The following PRKN variants were observed in gnomAD, a reference collection of about 807,000 sequenced individuals.
The protein encoded by PRKN is parkin RBR E3 ubiquitin protein ligase.
A neutral mutation model predicts 59.5 loss-of-function variants in PRKN; 56 were observed. That is an observed-to-expected ratio of 0.94 (90% CI 0.76 to 1.18). PRKN has a LOEUF of 1.18. Among genes scored for constraint, PRKN ranks in the 50% most tolerant of loss-of-function variants. The pLI, the probability that PRKN is intolerant of heterozygous loss-of-function variation, is 0.00. For synonymous variants in PRKN, 250 were observed against 222.1 expected (o/e 1.13, Z -1.12); for missense variants, 657 against 596.4 (o/e 1.10, Z -1.06).
At chr6:161,431,853 T>A (rs1487955150) in intron 9 of PRKN, among the ~76,000 whole-genome samples, 1 of 152,170 alleles carries the variant, frequency 6.6e-6, no homozygotes, top group African/African-American at 2.4e-5. Flanking sequence ...CCTCAGGCAA[T>A]CCACACCCGC....
rs60062756 is a variant in PRKN at position 162,536,160 on chromosome 6, C to G, written c.8-92687G>C. Among the ~76,000 whole-genome samples the G allele has an allele frequency of 5.3e-3, 803 of 152,214 alleles. 21 individuals carry two copies. In the East Asian group the frequency reaches 0.066, roughly 13 times the overall value. ...TTCTCCTGCACTAAAATGGTTTCAG[C>G]CTATTTCCAGTCATGCTGCTTTACT... On this transcript the variant is annotated intron_variant, in intron 1 of 11. Coordinates refer to ENST00000366898, the MANE Select transcript of PRKN (RefSeq NM_004562.3).
At chr6:161,841,912 A>G (rs1254398999) in intron 6 of PRKN, among the ~76,000 whole-genome samples, 2 of 151,664 alleles carry the variant, frequency 1.3e-5, no homozygotes, top group Non-Finnish European at 2.9e-5. Context: ...CAAATCCCCA[A>G]TTTTTCCTTA....
At chr6:162,219,374 T>C (rs914773180) in intron 3 of PRKN, among the ~76,000 whole-genome samples, 2 of 152,192 alleles carry the variant, frequency 1.3e-5, no homozygotes, top group Admixed American at 1.3e-4. Context: ...CCACCTGCAC[T>C]GTAGCTCTTC....
chr6:162,366,158 A>G (rs1785426359), intron 2 of PRKN, among the ~76,000 whole-genome samples: 1 of 152,248 alleles, frequency 6.6e-6, no homozygotes, highest in Admixed American at 6.5e-5. Flanking sequence ...TTGACAGGTT[A>G]TAATAATTTT....
At chr6:162,584,020 T>C (rs1232677338) in intron 1 of PRKN, among the ~76,000 whole-genome samples, 2 of 151,972 alleles carry the variant, frequency 1.3e-5, no homozygotes, top group Non-Finnish European at 2.9e-5. Context: ...AAGACCATCC[T>C]GGCTAACACG....
At chr6:162,474,971 C>T (rs187132251) in intron 1 of PRKN, among the ~76,000 whole-genome samples, 2 of 152,084 alleles carry the variant, frequency 1.3e-5, no homozygotes, top group East Asian at 1.9e-4. Flanking sequence ...AAAATGAAAT[C>T]GATTTTTTAA....
chr6:162,432,355 A>C (rs1789576869), intron 2 of PRKN, among the ~76,000 whole-genome samples: 1 of 152,078 alleles, frequency 6.6e-6, no homozygotes, highest in Non-Finnish European at 1.5e-5. Context: ...GTAACACTCC[A>C]ACTCTATTAA....
intron 9 of PRKN, among the ~76,000 whole-genome samples, chr6:161,406,912 G>A (rs1288567683): frequency 6.6e-6 from 1 of 152,132 alleles, no homozygotes; most frequent in East Asian, 1.9e-4. Context: ...AACTGAAGAG[G>A]AGCGTCTCGG....
At chr6:161,368,381 T>TTATATATATATATA (rs1562399363) in intron 10 of PRKN, among the ~76,000 whole-genome samples, 2 of 70,812 alleles carry the variant, frequency 2.8e-5, no homozygotes, top group African/African-American at 6.3e-5. Flanking sequence ...ACCTCAGTCT[T>TTATATATATATATA]GATATATATA....
At chr6:161,756,337 A>C (rs1418357439) in intron 7 of PRKN, among the ~76,000 whole-genome samples, 2 of 147,430 alleles carry the variant, frequency 1.4e-5, no homozygotes, top group East Asian at 2.1e-4. Context: ...AGCTATTTGG[A>C]AGGCTGAGGA....
Position 161,793,032 on chromosome 6 carries a change from A to G in PRKN, c.735-7124T>C, listed in dbSNP as rs551058004. Among the ~76,000 whole-genome samples the G allele has an allele frequency of 2.0e-5, 3 of 152,330 alleles. No homozygotes were observed. The South Asian group carries it at 6.2e-4, about 32-fold the overall frequency. ...GTAACCGGCACAGCGCCTGCCCACAACAATGCCAGAGAGAGCATTTCAGCC... is the reference window on the plus strand; with the variant it reads ...GTAACCGGCACAGCGCCTGCCCACAGCAATGCCAGAGAGAGCATTTCAGCC... On this transcript the variant is annotated intron_variant, in intron 6 of 11. Transcript: ENST00000366898.
At chr6:162,275,982 T>G (rs1780620326) in intron 2 of PRKN, among the ~76,000 whole-genome samples, 1 of 152,214 alleles carries the variant, frequency 6.6e-6, no homozygotes, top group Non-Finnish European at 1.5e-5. Flanking sequence ...CTTTGAACAC[T>G]TTTTGTTCTA....
intron 4 of PRKN, among the ~76,000 whole-genome samples, chr6:162,099,584 TA>T (rs1208391777): frequency 6.6e-6 from 1 of 152,204 alleles, no homozygotes; most frequent in African/African-American, 2.4e-5. Context: ...TGAAGTATAA[TA>T]CATGTATGTC....
chr6:162,164,505 C>G (rs1021007606), intron 4 of PRKN, among the ~76,000 whole-genome samples: 1 of 149,004 alleles, frequency 6.7e-6, no homozygotes, highest in African/African-American at 2.5e-5. Context: ...AGCCACCATG[C>G]CTGGCCTAAT....
At chr6:161,864,396 A>G (rs7739287) in intron 6 of PRKN, among the ~76,000 whole-genome samples, 10,840 of 152,142 alleles carry the variant, frequency 0.071, 1,292 homozygotes, top group African/African-American at 0.25. Context: ...TGATTATGAG[A>G]TTACAGCAAT....
At position 161,418,014 on chromosome 6, in the gene PRKN, C is replaced by T. The variant is rs140692251; in HGVS notation, c.1084-31137G>A. Reference sequence around the variant, plus strand: ...AGGCCTGGCTGACTCCATGGGGGGCCTGGCAGTATCACAGCGCAGGGCTCT... The same window carrying T: ...AGGCCTGGCTGACTCCATGGGGGGCTTGGCAGTATCACAGCGCAGGGCTCT... On this transcript the variant is annotated intron_variant, in intron 9 of 11. Transcript: ENST00000366898. Among the ~76,000 whole-genome samples, 916 of 152,346 alleles carry T rather than the reference C, an allele frequency of 6.0e-3. 6 individuals are homozygous for T. Among genetic ancestry groups the T allele is most frequent in the Non-Finnish European group, 0.01 (711 of 68,032 alleles).
rs1392748986 is a variant in PRKN, at chr6:161,447,921, T to C, written c.1084-61044A>G. On this transcript the variant is annotated intron_variant, in intron 9 of 11. Coordinates refer to ENST00000366898, the MANE Select transcript of PRKN (RefSeq NM_004562.3). This position sits in a 1 kb window ranked among gnomAD's most constrained non-coding sequence, Gnocchi z 4.1. ...GGAGTTGTGAGAGCAGGCTGTTTTT[T>C]CTCTCTGGTGCGTGACCACTGCTTC... is the stretch of plus-strand genomic sequence containing the variant. Among the ~76,000 whole-genome samples, 13 of 152,218 alleles carry C rather than the reference T, an allele frequency of 8.5e-5. No homozygotes were observed. Among genetic ancestry groups the C allele is most frequent in the Non-Finnish European group, 7.3e-5 (5 of 68,030 alleles).
chr6:161,771,078 C>T (rs1245561074), intron 7 of PRKN, among the ~76,000 whole-genome samples: 2 of 150,702 alleles, frequency 1.3e-5, no homozygotes, highest in Non-Finnish European at 2.9e-5. Context: ...AGTTGATGGC[C>T]GGGCGCAGTG....
intron 1 of PRKN, among the ~76,000 whole-genome samples, chr6:162,565,438 C>T (rs1409806311): frequency 2.0e-5 from 3 of 152,116 alleles, no homozygotes; most frequent in African/African-American, 7.2e-5. Context: ...AATCCCGGCA[C>T]TTTGGAAGGC....
Sources: allele counts gnomAD v4.1 joint callset (sites outside exome capture counted in the v4.1 genomes callset), GRCh38; gene constraint gnomAD v4.1.1; non-coding constraint Gnocchi (gnomAD v3.1); transcripts MANE v1.5; gene names NCBI Gene and HGNC (gene_info 2026-07-23, HGNC 2026-07-21).